Variants in PHTF2 observed in about 807,000 individuals in gnomAD.
PHTF2 encodes the protein protein PHTF2.
PHTF2 carries 60 observed loss-of-function variants against 101.2 expected under a neutral mutation model. That is an observed-to-expected ratio of 0.59 (90% CI 0.48 to 0.73). PHTF2 has a LOEUF of 0.73. Ranked by LOEUF, PHTF2 falls within the 30% of genes least tolerant of loss-of-function variation. The pLI is 0.00. For missense variants in PHTF2, 747 were observed against 908.7 expected, an observed-to-expected ratio of 0.82 and a Z score of 2.29; for synonymous variants, 311 against 307.3, an observed-to-expected ratio of 1.01 and a Z score of -0.13.
At chr7:77,889,462 TCTC>T (rs997893012) in intron 3 of PHTF2, among the ~76,000 whole-genome samples, 13 of 152,000 alleles carry the variant, frequency 8.6e-5, no homozygotes, top group Non-Finnish European at 1.5e-5. Context: ...ACCCTGAACA[TCTC>T]CTTCTGAGAC....
intron 1 of PHTF2, among the ~76,000 whole-genome samples, chr7:77,812,180 T>G (rs1793492973): frequency 6.6e-6 from 1 of 152,196 alleles, no homozygotes; most frequent in African/African-American, 2.4e-5. Flanking sequence ...GAACATTTAG[T>G]CTGGAAAAAG....
At chr7:77,821,078 T>C (rs1312053080) in intron 1 of PHTF2, among the ~76,000 whole-genome samples, 1 of 152,176 alleles carries the variant, frequency 6.6e-6, no homozygotes, top group African/African-American at 2.4e-5. Flanking sequence ...TTATTTCTCC[T>C]TCATTTCTGA....
At chr7:77,902,129 G>A (rs1361402522) in intron 7 of PHTF2, among the ~76,000 whole-genome samples, 1 of 151,722 alleles carries the variant, frequency 6.6e-6, no homozygotes, top group Non-Finnish European at 1.5e-5. Flanking sequence ...ATCTATAGAT[G>A]GCTAAAGAAA....
At position 77,850,358 on chromosome 7, in the gene PHTF2, C is replaced by G. The variant is rs1268470049; in HGVS notation, c.46-4375C>G. 4.8e-5 allele frequency among the ~76,000 whole-genome samples: 2 copies of G among 41,792 alleles called. 1 individual carries two copies. The highest frequency in any genetic ancestry group is 1.7e-3 in the South Asian group (2 of 1,174). The allele number at this position is 41,792 out of a possible 152,430, so 27.4% of individuals were successfully genotyped here. The stretch of plus-strand genomic sequence containing the variant: ...CCTGAAAGACAAAGCAAGACCTTGT[C>G]TCAAAAAAAAAAAAAAAAAAAAAAA... On this transcript the variant is annotated intron_variant, in intron 2 of 19. Transcript: ENST00000416283.
At chr7:77,931,418 A>G in intron 12 of PHTF2, among the ~76,000 whole-genome samples, 1 of 152,250 alleles carries the variant, frequency 6.6e-6, no homozygotes, top group East Asian at 1.9e-4. Flanking sequence ...AAATGACTCA[A>G]TAGAAAAATA....
chr7:77,931,871 A>G (rs988142416), intron 12 of PHTF2, among the ~76,000 whole-genome samples: 5 of 152,204 alleles, frequency 3.3e-5, no homozygotes, highest in Admixed American at 3.3e-4. Context: ...AACATGAATA[A>G]GTTTTTGAAT....
chr7:77,954,612 G>GTATATATATATATATATATA (rs66540211), intron 19 of PHTF2, among the ~76,000 whole-genome samples: 2 of 90,192 alleles, frequency 2.2e-5, no homozygotes, highest in Admixed American at 1.2e-4. Flanking sequence ...CAAGTACTGT[G>GTATATATATATATATATATA]TATATATATA....
Position 77,937,690 on chromosome 7 carries a change from A to G in PHTF2, c.1339-20A>G, listed in dbSNP as rs1805268909. The G allele has an allele frequency of 9.9e-7, 1 of 1,014,000 alleles. No individual in the cohort carries two copies. The allele number at this position is 1,014,000 out of a possible 1,614,324, so 62.8% of individuals were successfully genotyped here. On this transcript the variant is annotated intron_variant, in intron 12 of 19. Coordinates refer to ENST00000416283, the Ensembl canonical transcript of PHTF2. ...ATTAAATGTGATCTATATATTTACTAATTTTTTTTTTTTTTATAGAGTCAT... is the reference window on the plus strand; with the variant it reads ...ATTAAATGTGATCTATATATTTACTGATTTTTTTTTTTTTTATAGAGTCAT...
chr7:77,846,605 T>G (rs1399136411), intron 2 of PHTF2, among the ~76,000 whole-genome samples: 1 of 81,898 alleles, frequency 1.2e-5, no homozygotes, highest in South Asian at 5.4e-4. Flanking sequence ...TCGCCTCCCT[T>G]CCCCTCCCTT....
At chr7:77,857,798 A>G (rs1221374453) in intron 3 of PHTF2, among the ~76,000 whole-genome samples, 2 of 152,238 alleles carry the variant, frequency 1.3e-5, no homozygotes, top group Admixed American at 6.5e-5. Context: ...CACTTTGTTC[A>G]TGTATATAAA....
At chr7:77,818,414 C>G (rs1794022060) in intron 1 of PHTF2, among the ~76,000 whole-genome samples, 1 of 152,064 alleles carries the variant, frequency 6.6e-6, no homozygotes, top group African/African-American at 2.4e-5. Context: ...GTCTTTGATT[C>G]ATTTTGGGGT....
chr7:77,894,859 CAGGACTCCCCA>C (rs1641146519), intron 5 of PHTF2, among the ~76,000 whole-genome samples: 1 of 152,036 alleles, frequency 6.6e-6, no homozygotes, highest in Non-Finnish European at 1.5e-5. Context: ...ATGATTGAGG[CAGGACTCCCCA>C]AGGAGTTTGA....
chr7:77,934,106 A>G (rs1406882845), intron 12 of PHTF2, among the ~76,000 whole-genome samples: 5 of 152,174 alleles, frequency 3.3e-5, no homozygotes, highest in Non-Finnish European at 4.4e-5. Flanking sequence ...CCTTTTACTA[A>G]AAAGCTACTA....
intron 12 of PHTF2, among the ~76,000 whole-genome samples, chr7:77,931,181 A>G (rs1346162895): frequency 6.6e-6 from 1 of 152,248 alleles, no homozygotes; most frequent in African/African-American, 2.4e-5. Flanking sequence ...AAGAAAATAC[A>G]GGAGAAAAAT....
intron 1 of PHTF2, among the ~76,000 whole-genome samples, chr7:77,824,870 CA>C (rs112875578): frequency 1.7e-3 from 218 of 130,458 alleles, no homozygotes; most frequent in Middle Eastern, 3.9e-3. Context: ...CCACCTCTAC[CA>C]AAAAAAAAAA....
chr7:77,827,594 T>C (rs1399562737), intron 1 of PHTF2, among the ~76,000 whole-genome samples: 1 of 152,140 alleles, frequency 6.6e-6, no homozygotes, highest in African/African-American at 2.4e-5. Context: ...CTTCATGATC[T>C]ACCTGCCTTG....
At chr7:77,814,937 C>G (rs1793740455) in intron 1 of PHTF2, among the ~76,000 whole-genome samples, 1 of 151,958 alleles carries the variant, frequency 6.6e-6, no homozygotes, top group Non-Finnish European at 1.5e-5. Context: ...ATTAGCCAGA[C>G]TTGGTGGCGT....
rs771252763 is a variant in PHTF2 at position 77,894,424 on chromosome 7, G to A, written c.216+431G>A. On this transcript the variant is annotated intron_variant, in intron 5 of 19. Transcript: ENST00000416283. The stretch of plus-strand genomic sequence containing the variant: ...GACATTTTCTATTTTGTATAGAAAA[G>A]TTTTCATTAGATTGAAAACCAGTGT... 7.2e-4 allele frequency among the ~76,000 whole-genome samples: 110 copies of A among 152,082 alleles called. 1 individual carries two copies. Among genetic ancestry groups the A allele is most frequent in the Non-Finnish European group, 8.1e-4 (55 of 67,974 alleles).
At chr7:77,800,379 T>TC (rs1386345006) in intron 1 of PHTF2, among the ~76,000 whole-genome samples, 1 of 152,220 alleles carries the variant, frequency 6.6e-6, no homozygotes, top group Non-Finnish European at 1.5e-5. Context: ...ATAGCCTGCC[T>TC]CCCACACAGA....
Sources: allele counts gnomAD v4.1 joint callset (sites outside exome capture counted in the v4.1 genomes callset), GRCh38; gene constraint gnomAD v4.1.1; transcripts MANE v1.5; gene names NCBI Gene and HGNC (gene_info 2026-07-23, HGNC 2026-07-21).